Variants in ABR observed in about 807,000 individuals in gnomAD.
ABR encodes active breakpoint cluster region-related protein.
ABR carries 35 observed loss-of-function variants against 107.2 expected under a neutral mutation model. That is an observed-to-expected ratio of 0.33 (90% CI 0.25 to 0.43). The LOEUF (loss-of-function observed/expected upper bound fraction) is 0.43, where lower values mean the gene tolerates loss of function less well. Ranked by LOEUF, ABR falls within the 20% of genes least tolerant of loss-of-function variation. The pLI, the probability that ABR is intolerant of heterozygous loss-of-function variation, is 1.00. For synonymous variants in ABR, 498 were observed against 462.0 expected (o/e 1.08, Z -1.00); for missense variants, 815 against 1,115.2 (o/e 0.73, Z 3.83).
intron 7 of ABR, among the ~76,000 whole-genome samples, chr17:1,073,266 ACT>A (rs1322967812): frequency 8.0e-5 from 12 of 149,444 alleles, no homozygotes; most frequent in Admixed American, 8.0e-4. Context: ...CCACAGTCAT[ACT>A]CTCTCCCCAG....
chr17:1,078,962 C>T lies in ABR; in HGVS notation c.700+368G>A, dbSNP rs989088226. The T allele has an allele frequency of 2.3e-5, 34 of 1,505,558 alleles. No homozygotes were observed. Among genetic ancestry groups the T allele is most frequent in the Admixed American group, 1.6e-4 (8 of 48,952 alleles). 93.3% of individuals were successfully genotyped at this position (1,505,558 alleles called of 1,614,324 possible). A position where few individuals can be genotyped will look rare whatever the true frequency, so the allele number is the denominator to read the frequency against. ...CAGCCACCTTGCTGATGCTGCCGCA[C>T]GGACTCCAGCATCGGGCAGCCGCTC... On this transcript the variant is annotated intron_variant, in intron 6 of 22. Coordinates refer to ENST00000302538, the MANE Select transcript of ABR (RefSeq NM_021962.5). The surrounding 1 kb of genome is among the most constrained non-coding windows in gnomAD (Gnocchi z 7.5).
intron 1 of ABR, among the ~76,000 whole-genome samples, chr17:1,174,551 T>G (rs2041856621): frequency 6.6e-6 from 1 of 152,174 alleles, no homozygotes; most frequent in South Asian, 2.1e-4. Context: ...GGCCCATAGA[T>G]GGGGCACTGA....
At chr17:1,112,587 A>G (rs751034047) in intron 2 of ABR, among the ~76,000 whole-genome samples, 1 of 125,330 alleles carries the variant, frequency 8.0e-6, no homozygotes, top group Non-Finnish European at 1.7e-5. Context: ...ACAGAGCCAG[A>G]CTCTGTCTTG....
At chr17:1,012,524 G>A (rs1021323820) in intron 18 of ABR, 164 bp downstream of exon 18, 30 of 701,296 alleles carry the variant, frequency 4.3e-5, no homozygotes, top group Non-Finnish European at 5.2e-5. Flanking sequence ...TCCTGTGAGC[G>A]CCTCTGCGGC....
chr17:1,160,904 C>T (rs1302547815), intron 1 of ABR, among the ~76,000 whole-genome samples: 5 of 152,196 alleles, frequency 3.3e-5, no homozygotes, highest in East Asian at 1.9e-4. Flanking sequence ...GACGCCCGTG[C>T]GGTGGAGGCA....
chr17:1,093,513 G>A (rs2037177895), intron 3 of ABR, among the ~76,000 whole-genome samples: 1 of 152,146 alleles, frequency 6.6e-6, no homozygotes, highest in South Asian at 2.1e-4. Context: ...TTGCTCTGCA[G>A]ACCCAGGAAC....
At chr17:1,024,145 G>A (rs2071976359) in intron 16 of ABR, among the ~76,000 whole-genome samples, 1 of 152,122 alleles carries the variant, frequency 6.6e-6, no homozygotes, top group African/African-American at 2.4e-5. Flanking sequence ...GGACGTGAGG[G>A]GCTCCAGCAA....
rs1208938384 is a variant in ABR, at chr17:1,078,986, TC to T, written c.700+343del. ...ACGGACTCCAGCATCGGGCAGCCGC[TC>T]CGGAGTGCTCTTCCAGCAAGGGGGA... On this transcript the variant is annotated intron_variant, in intron 6 of 22. Coordinates refer to ENST00000302538, the MANE Select transcript of ABR (RefSeq NM_021962.5). The surrounding 1 kb of genome is among the most constrained non-coding windows in gnomAD (Gnocchi z 7.5). The T allele has an allele frequency of 4.4e-6, 6 of 1,373,696 alleles. No individual in the cohort carries two copies. In the African/African-American group the frequency reaches 4.4e-5, roughly 10 times the overall value. The allele number at this position is 1,373,696 out of a possible 1,614,324, so 85.1% of individuals were successfully genotyped here. A position where few individuals can be genotyped will look rare whatever the true frequency, so the allele number is the denominator to read the frequency against.
At position 1,154,457 on chromosome 17, in the gene ABR, A is replaced by G. The variant is rs1260882826; in HGVS notation, c.61+25210T>C. ...AAAGCCCAGAATCCTCCTGCAAACC[A>G]AAATATCTCCATGGTGCCGGCCAGC... On this transcript the variant is annotated intron_variant, in intron 1 of 22. Transcript: ENST00000302538. This position sits in a 1 kb window ranked among gnomAD's most constrained non-coding sequence, Gnocchi z 4.0. The G allele has an allele frequency of 6.6e-6, 1 of 152,578 alleles. No homozygotes were observed. Among genetic ancestry groups the G allele is most frequent in the Non-Finnish European group, 1.5e-5 (1 of 68,380 alleles). 9.5% of individuals were successfully genotyped at this position (152,578 alleles called of 1,614,324 possible).
upstream of ABR, among the ~76,000 whole-genome samples, chr17:1,182,804 C>T (rs2042177421): frequency 6.6e-6 from 1 of 152,220 alleles, no homozygotes; most frequent in East Asian, 1.9e-4. Context: ...CAACCCTCTT[C>T]CATCTCCAGA....
At chr17:1,102,135 TA>T (rs1434026395) in intron 2 of ABR, among the ~76,000 whole-genome samples, 1 of 152,168 alleles carries the variant, frequency 6.6e-6, no homozygotes, top group East Asian at 1.9e-4. Flanking sequence ...TGCCCGTCCC[TA>T]CCCTTCCAGT....
chr17:1,219,029 TTCTA>T (rs975638695), intron 1 of ABR, among the ~76,000 whole-genome samples: 2 of 148,938 alleles, frequency 1.3e-5, no homozygotes, highest in East Asian at 1.9e-4. Flanking sequence ...TAGTATCCTT[TTCTA>T]TCTGTTTGTT....
At position 1,050,559 on chromosome 17, in the gene ABR, G is replaced by A. The variant is rs777008848; in HGVS notation, c.1637C>T (p.Thr546Ile). ...CACCTCATCCCACTTGGGCTCCGCTGTGTCCCGGAACACCCTGGTTTTGGC... is the reference window on the plus strand; with the variant it reads ...CACCTCATCCCACTTGGGCTCCGCTATGTCCCGGAACACCCTGGTTTTGGC... ...SKAKTRVFRD[T>I]AEPKWDEEFE... is the part of the protein sequence containing the mutation. The change falls in exon 15 of 23, where the codon ACA becomes ATA. Residue 546 changes from threonine (T) to isoleucine (I), a missense_variant. Transcript: ENST00000302538. The surrounding 1 kb of genome is among the most constrained non-coding windows in gnomAD (Gnocchi z 4.6). 3 of 1,613,916 alleles carry A rather than the reference G, an allele frequency of 1.9e-6. No individual in the cohort carries two copies. The highest frequency in any genetic ancestry group is 2.7e-5 in the African/African-American group (2 of 74,916).
Position 1,005,778 on chromosome 17 carries a change from C to T in ABR, c.*302G>A, listed in dbSNP as rs1348406111. The T allele has an allele frequency of 9.2e-6, 4 of 436,516 alleles. No homozygotes were observed. The highest frequency in any genetic ancestry group is 3.9e-5 in the Admixed American group (1 of 25,444). The allele number at this position is 436,516 out of a possible 1,614,324, so 27.0% of individuals were successfully genotyped here. ...GGCTGTCTGTGTGCCCACGCCGGGC[C>T]GGTCACTACCTTTTCTGCCTGACAA... On this transcript the variant is annotated 3_prime_UTR_variant, in exon 23 of 23. Coordinates refer to ENST00000302538, the MANE Select transcript of ABR (RefSeq NM_021962.5).
At chr17:1,116,588 A>C (rs1597869611) in intron 2 of ABR, among the ~76,000 whole-genome samples, 1 of 152,170 alleles carries the variant, frequency 6.6e-6, no homozygotes, top group East Asian at 1.9e-4. Flanking sequence ...CCAGGTGTGA[A>C]TGTAGGAGGG....
chr17:1,067,063 C>G lies in ABR; in HGVS notation c.1182+14G>C. 6.2e-7 allele frequency: 1 copy of G among 1,611,770 alleles called. No individual in the cohort carries two copies. Among genetic ancestry groups the G allele is most frequent in the Non-Finnish European group, 8.5e-7 (1 of 1,178,866 alleles). Reference sequence around the variant, plus strand: ...CTCAAAGGGCCCCAGGCTCAGATACCAAGCTCTGCTCACCTCCTTCTGGAT... The same window carrying G: ...CTCAAAGGGCCCCAGGCTCAGATACGAAGCTCTGCTCACCTCCTTCTGGAT... On this transcript the variant is annotated intron_variant, in intron 10 of 22. Transcript: ENST00000302538.
chr17:1,050,054 A>G lies in ABR; in HGVS notation c.1787T>C (p.Ile596Thr). 1 of 1,613,804 alleles carries G rather than the reference A, an allele frequency of 6.2e-7. No homozygotes were observed. Among genetic ancestry groups the G allele is most frequent in the Non-Finnish European group, 8.5e-7 (1 of 1,179,870 alleles). The change falls in exon 16 of 23, where the codon ATC (isoleucine) becomes ACC (threonine). Residue 596 changes from isoleucine to threonine, a missense_variant. Around this residue, in one of 5 missense-constraint regions of ABR, gnomAD observed 92 missense variants for 82.3 expected, o/e 1.12. Transcript: ENST00000302538. This position sits in a 1 kb window ranked among gnomAD's most constrained non-coding sequence, Gnocchi z 4.6. ...GCCCCGGCGCCCTGGCCTCACCTGGATCTGTCCTTTGCCCATGATCTTGTC... is the reference window on the plus strand; with the variant it reads ...GCCCCGGCGCCCTGGCCTCACCTGGGTCTGTCCTTTGCCCATGATCTTGTC... ...IVDKIMGKGQ[I>T]QLDPQTVETK...
At chr17:1,046,251 G>A (rs893657000) in intron 16 of ABR, among the ~76,000 whole-genome samples, 32 of 133,012 alleles carry the variant, frequency 2.4e-4, no homozygotes, top group Admixed American at 6.2e-4. Flanking sequence ...TAATCCGCCC[G>A]CCTCGGCCTC....
rs1303121829 is a variant in ABR at position 1,037,916 on chromosome 17, A to G, written c.1791+12134T>C. The stretch of plus-strand genomic sequence containing the variant: ...TCTGGGTTCAGTTTCCACAGCTGTC[A>G]AATCAGGAGCTCGGAACAGACACAT... On this transcript the variant is annotated intron_variant, in intron 16 of 22. Coordinates refer to ENST00000302538, the MANE Select transcript of ABR (RefSeq NM_021962.5). The surrounding 1 kb of genome is among the most constrained non-coding windows in gnomAD (Gnocchi z 4.6). 6.6e-6 allele frequency among the ~76,000 whole-genome samples: 1 copy of G among 152,152 alleles called. No homozygotes were observed. The highest frequency in any genetic ancestry group is 1.5e-5 in the Non-Finnish European group (1 of 68,022).
Sources: allele counts gnomAD v4.1 joint callset (sites outside exome capture counted in the v4.1 genomes callset), GRCh38; gene constraint gnomAD v4.1.1; regional missense constraint gnomAD v4.1.1; non-coding constraint Gnocchi (gnomAD v3.1); transcripts MANE v1.5; gene names NCBI Gene and HGNC (gene_info 2026-07-23, HGNC 2026-07-21).